The following SUCLG2 variants were observed in gnomAD, a reference collection of about 807,000 sequenced individuals.
The protein encoded by SUCLG2 is succinate--CoA ligase [GDP-forming] subunit beta, mitochondrial.
SUCLG2 carries 42 observed loss-of-function variants against 47.9 expected under a neutral mutation model. That is an observed-to-expected ratio of 0.88 (90% CI 0.69 to 1.14). The LOEUF is 1.14. Ranked by LOEUF, SUCLG2 falls within the 50% of genes most tolerant of loss-of-function variation. SUCLG2 has a pLI of 0.00. For synonymous variants in SUCLG2, 195 were observed against 197.3 expected, an observed-to-expected ratio of 0.99 and a Z score of 0.10; for missense variants, 571 against 525.9, an observed-to-expected ratio of 1.09 and a Z score of -0.84.
At chr3:67,398,467 T>C (rs1575669889) in intron 10 of SUCLG2, among the ~76,000 whole-genome samples, 1 of 151,724 alleles carries the variant, frequency 6.6e-6, no homozygotes, top group Admixed American at 6.6e-5. Flanking sequence ...AAAACCACAA[T>C]GAGATACCAT....
At chr3:67,464,215 G>A in intron 9 of SUCLG2, among the ~76,000 whole-genome samples, 1 of 152,138 alleles carries the variant, frequency 6.6e-6, no homozygotes, top group East Asian at 1.9e-4. Context: ...CTGACTGACA[G>A]GGCAATCAGC....
chr3:67,599,878 A>G (rs144147601), intron 2 of SUCLG2, among the ~76,000 whole-genome samples: 77 of 152,346 alleles, frequency 5.1e-4, no homozygotes, highest in Non-Finnish European at 8.7e-4. Flanking sequence ...TAGATCAAGT[A>G]ACACAACTCT....
At chr3:67,539,783 C>T (rs1317325864) in intron 2 of SUCLG2, among the ~76,000 whole-genome samples, 1 of 152,082 alleles carries the variant, frequency 6.6e-6, no homozygotes, top group Non-Finnish European at 1.5e-5. Flanking sequence ...CTGGTTTAGT[C>T]ATGGGAAGGT....
intron 2 of SUCLG2, among the ~76,000 whole-genome samples, chr3:67,551,504 T>C (rs1707013894): frequency 6.6e-6 from 1 of 152,102 alleles, no homozygotes; most frequent in African/African-American, 2.4e-5. Flanking sequence ...CTGCTCAACT[T>C]TGGGCCTCAT....
chr3:67,518,150 T>G, intron 6 of SUCLG2, 97 bp downstream of exon 6: 1 of 984,228 alleles, frequency 1.0e-6, no homozygotes, highest in Non-Finnish European at 1.5e-6. Context: ...TAAATAATCC[T>G]GTTTCCTGGT....
At chr3:67,557,426 C>A (rs1490448638) in intron 2 of SUCLG2, among the ~76,000 whole-genome samples, 1 of 152,146 alleles carries the variant, frequency 6.6e-6, no homozygotes, top group Admixed American at 6.5e-5. Flanking sequence ...GTGAATAAAA[C>A]AGCCAGTGCC....
intron 2 of SUCLG2, among the ~76,000 whole-genome samples, chr3:67,547,820 C>T (rs1706908132): frequency 6.6e-6 from 1 of 152,126 alleles, no homozygotes; most frequent in Non-Finnish European, 1.5e-5. Context: ...GGAGATGCTA[C>T]AGCAAGGGGG....
chr3:67,476,878 C>T (rs141402898), intron 9 of SUCLG2, among the ~76,000 whole-genome samples: 11 of 152,228 alleles, frequency 7.2e-5, no homozygotes, highest in Non-Finnish European at 1.3e-4. Context: ...AAATCAATGG[C>T]GTCTACATGA....
At position 67,568,563 on chromosome 3, in the gene SUCLG2, C is replaced by G. The variant is rs148925306; in HGVS notation, c.227-39377G>C. Among the ~76,000 whole-genome samples, 1,114 of 152,262 alleles carry G rather than the reference C, an allele frequency of 7.3e-3. 12 individuals are homozygous for G. The highest frequency in any genetic ancestry group is 0.025 in the African/African-American group (1,055 of 41,558). ...CTTCAAATCATTAAAATTACCTTCC[C>G]TCATTCTTCCTAGAGCAGCAAGCTT... On this transcript the variant is annotated intron_variant, in intron 2 of 10. Transcript: ENST00000307227.
chr3:67,529,652 T>C (rs570467713), intron 2 of SUCLG2, among the ~76,000 whole-genome samples: 7 of 152,232 alleles, frequency 4.6e-5, no homozygotes, highest in Non-Finnish European at 8.8e-5. Context: ...AGTTAATAAC[T>C]GCATTATTGG....
rs951658853 is a variant in SUCLG2, at chr3:67,538,430, G to A, written c.227-9244C>T. 5.9e-5 allele frequency among the ~76,000 whole-genome samples: 9 copies of A among 152,070 alleles called. No homozygotes were observed. The East Asian group carries it at 7.7e-4, about 13-fold the overall frequency. On this transcript the variant is annotated intron_variant, in intron 2 of 10. Transcript: ENST00000307227. ...TCTGTTGGTCTATATCTCTGTTTTC[G>A]TACCAGTACCATGCTGTTTTGGTTC...
intron 9 of SUCLG2, among the ~76,000 whole-genome samples, chr3:67,451,005 G>C (rs934093565): frequency 6.6e-6 from 1 of 152,258 alleles, no homozygotes; most frequent in African/African-American, 2.4e-5. Context: ...AATTTCACTT[G>C]CTTATCTCAT....
intron 9 of SUCLG2, among the ~76,000 whole-genome samples, chr3:67,401,737 C>A (rs1460651620): frequency 5.3e-5 from 8 of 152,062 alleles, no homozygotes; most frequent in African/African-American, 1.9e-4. Flanking sequence ...CTGGAGGCAT[C>A]AAAATTCCAA....
At chr3:67,514,248 C>T (rs147693876) in intron 6 of SUCLG2, 4,559 of 414,450 alleles carry the variant, frequency 0.011, 46 homozygotes, top group Non-Finnish European at 0.017. Flanking sequence ...ATGATGTATT[C>T]AAAACTGACA....
chr3:67,626,145 G>A (rs1200656640), intron 1 of SUCLG2, among the ~76,000 whole-genome samples: 1 of 151,446 alleles, frequency 6.6e-6, no homozygotes, highest in East Asian at 1.9e-4. Context: ...TCAGCCTCCC[G>A]AGTAGCTGGG....
intron 9 of SUCLG2, among the ~76,000 whole-genome samples, chr3:67,403,569 T>G (rs1702737460): frequency 6.6e-6 from 1 of 152,062 alleles, no homozygotes; most frequent in South Asian, 2.1e-4. Flanking sequence ...GCCAGACCAA[T>G]AAACTGACAA....
chr3:67,574,344 A>C (rs1356758436), intron 2 of SUCLG2, among the ~76,000 whole-genome samples: 1 of 152,228 alleles, frequency 6.6e-6, no homozygotes, highest in Non-Finnish European at 1.5e-5. Flanking sequence ...TTGGGGAACT[A>C]CTTTTCTAAT....
At chr3:67,552,172 C>CAAAAAAAAAAAAAAAAA (rs55687048) in intron 2 of SUCLG2, among the ~76,000 whole-genome samples, 3 of 75,488 alleles carry the variant, frequency 4.0e-5, no homozygotes, top group Non-Finnish European at 6.4e-5. Context: ...AACTCCATCT[C>CAAAAAAAAAAAAAAAAA]AAAAAAAAAA....
At chr3:67,552,288 TC>T (rs563764916) in intron 2 of SUCLG2, among the ~76,000 whole-genome samples, 5 of 151,970 alleles carry the variant, frequency 3.3e-5, no homozygotes, top group Non-Finnish European at 1.5e-5. Context: ...CCATCACGTA[TC>T]TCACATGTAT....
Sources: gnomAD v4.1 joint callset for allele counts (sites outside exome capture counted in the v4.1 genomes callset) on GRCh38, gnomAD v4.1.1 for gene constraint, MANE v1.5 for transcripts, NCBI Gene and HGNC (gene_info 2026-07-23, HGNC 2026-07-21) for gene names.